Variants in NTNG1 observed in about 807,000 individuals in gnomAD.
The protein encoded by NTNG1 is netrin G1.
A neutral mutation model predicts 54.0 loss-of-function variants in NTNG1; 16 were observed. The ratio of observed to expected loss-of-function variants is 0.30; its 90% CI spans 0.20 to 0.45. The LOEUF (loss-of-function observed/expected upper bound fraction) is 0.45. NTNG1 is among the 20% of genes least tolerant of loss of function. The probability of loss-of-function intolerance (pLI) is 1.00; values close to 1 mark genes in which losing one functional copy is unlikely to be tolerated. For missense variants in NTNG1, 530 were observed against 678.7 expected (o/e 0.78, Z 2.43); for synonymous variants, 255 against 263.1 (o/e 0.97, Z 0.30).
chr1:107,398,461 T>C (rs1202614350), intron 4 of NTNG1, among the ~76,000 whole-genome samples: 3 of 152,116 alleles, frequency 2.0e-5, no homozygotes, highest in African/African-American at 7.2e-5. Flanking sequence ...TTGGAGGTCC[T>C]CTATTCTGGA....
intron 2 of NTNG1, among the ~76,000 whole-genome samples, chr1:107,252,872 G>A (rs75856433): frequency 0.012 from 1,767 of 152,212 alleles, 29 homozygotes; most frequent in African/African-American, 0.04. Context: ...CTCCTATAGC[G>A]GCAGTGGGTG....
intron 4 of NTNG1, 57 bp downstream of exon 4, chr1:107,395,383 CTCAATTTTGCTTACA>C: frequency 6.9e-7 from 1 of 1,445,118 alleles, no homozygotes; most frequent in Non-Finnish European, 9.7e-7. Flanking sequence ...GATAGTTCCT[CTCAATTTTGCTTACA>C]ATTGTGATTT....
chr1:107,250,086 T>G (rs12143353), intron 2 of NTNG1, among the ~76,000 whole-genome samples: 7,874 of 152,302 alleles, frequency 0.052, 297 homozygotes, highest in Non-Finnish European at 0.078. Flanking sequence ...CAGTCTTTGA[T>G]GAAGCCTTCC....
At chr1:107,205,606 G>A (rs1659116938) in intron 2 of NTNG1, among the ~76,000 whole-genome samples, 1 of 151,914 alleles carries the variant, frequency 6.6e-6, no homozygotes, top group South Asian at 2.1e-4. Flanking sequence ...CTTTTTCAGT[G>A]TATAAAGCAG....
chr1:107,394,334 A>G (rs1180942006), intron 3 of NTNG1, among the ~76,000 whole-genome samples: 1 of 152,202 alleles, frequency 6.6e-6, no homozygotes, highest in East Asian at 1.9e-4. Flanking sequence ...TGGAAATTGC[A>G]TATTCCATTG....
intron 7 of NTNG1, among the ~76,000 whole-genome samples, chr1:107,455,109 G>C (rs1172058616): frequency 6.6e-6 from 1 of 151,686 alleles, no homozygotes; most frequent in South Asian, 2.1e-4. Flanking sequence ...TGTCGCCCAG[G>C]CTGGAGTGCA....
intron 2 of NTNG1, among the ~76,000 whole-genome samples, chr1:107,180,065 AT>A (rs1336021005): frequency 9.2e-5 from 14 of 152,168 alleles, no homozygotes; most frequent in African/African-American, 3.4e-4. Flanking sequence ...AGTGTCTTAG[AT>A]TTTTCTGTCT....
At chr1:107,293,790 A>G (rs1483614499) in intron 2 of NTNG1, among the ~76,000 whole-genome samples, 1 of 152,214 alleles carries the variant, frequency 6.6e-6, no homozygotes, top group Non-Finnish European at 1.5e-5. Flanking sequence ...TAATGACCAT[A>G]TAAGAGTCTA....
chr1:107,281,231 T>TGTGTGTGGAA (rs1267868801), intron 2 of NTNG1, among the ~76,000 whole-genome samples: 2 of 152,154 alleles, frequency 1.3e-5, no homozygotes, highest in Non-Finnish European at 2.9e-5. Flanking sequence ...CACACAATTA[T>TGTGTGTGGAA]GTACATATAA....
chr1:107,310,718 GA>G (rs887792847), intron 2 of NTNG1, among the ~76,000 whole-genome samples: 5 of 152,036 alleles, frequency 3.3e-5, no homozygotes, highest in Non-Finnish European at 2.9e-5. Flanking sequence ...TCTTGGGGGG[GA>G]AAGAACAATG....
At chr1:107,383,239 A>G (rs1031446245) in intron 3 of NTNG1, among the ~76,000 whole-genome samples, 2 of 152,236 alleles carry the variant, frequency 1.3e-5, no homozygotes, top group Non-Finnish European at 1.5e-5. Flanking sequence ...GAAGAGGGCT[A>G]TGGAGTCAGA....
chr1:107,430,776 C>T lies in NTNG1; in HGVS notation c.1114C>T (p.Arg372Ter). 2 of 1,613,226 alleles carry T rather than the reference C, an allele frequency of 1.2e-6. No individual in the cohort carries two copies. Among genetic ancestry groups the T allele is most frequent in the East Asian group, 2.2e-5 (1 of 44,766 alleles). The stretch of plus-strand genomic sequence containing the variant: ...TTGTGAATGCTTCGGCCACTCCAAT[C>T]GATGCAGTTATATCGATCTGCTAAA... ...GNCECFGHSN[R>*]CSYIDLLNTV... is the part of the protein sequence containing the mutation. The change falls in exon 6 of 8, where the codon CGA becomes TGA. Residue 372 changes from arginine to a stop codon, truncating the protein, a stop_gained. Transcript: ENST00000370068. LOFTEE classifies it high-confidence loss of function.
intron 2 of NTNG1, among the ~76,000 whole-genome samples, chr1:107,319,521 A>G (rs1334555883): frequency 2.6e-5 from 4 of 152,214 alleles, no homozygotes; most frequent in Admixed American, 2.0e-4. Flanking sequence ...CACAGCAGGA[A>G]CAGGTTGGGA....
At chr1:107,192,478 C>T (rs982140169) in intron 2 of NTNG1, among the ~76,000 whole-genome samples, 5 of 152,020 alleles carry the variant, frequency 3.3e-5, no homozygotes, top group Non-Finnish European at 7.4e-5. Context: ...AACCTCTTGG[C>T]CCCACAATCT....
rs182673922 is a variant in NTNG1 at position 107,417,753 on chromosome 1, A to G, written c.1087+10045A>G. On this transcript the variant is annotated intron_variant, in intron 5 of 7. Coordinates refer to ENST00000370068, the MANE Select transcript of NTNG1 (RefSeq NM_001113226.3). ...TAGATGGTAGGATTTTCATCATAAA[A>G]TAGCTGCTTTAATAGTCATGCCCAT... is the stretch of plus-strand genomic sequence containing the variant. Among the ~76,000 whole-genome samples, 13 of 152,210 alleles carry G rather than the reference A, an allele frequency of 8.5e-5. No homozygotes were observed. In the East Asian group the frequency reaches 2.1e-3, roughly 25 times the overall value.
chr1:107,440,581 C>G (rs910196868), intron 7 of NTNG1, among the ~76,000 whole-genome samples: 1 of 152,148 alleles, frequency 6.6e-6, no homozygotes, highest in African/African-American at 2.4e-5. Context: ...CTTCCAAGCA[C>G]ATGTTGATAT....
At chr1:107,349,902 A>T (rs540252544) in intron 3 of NTNG1, among the ~76,000 whole-genome samples, 40 of 152,162 alleles carry the variant, frequency 2.6e-4, no homozygotes, top group Non-Finnish European at 4.9e-4. Context: ...TTTTTGGTAC[A>T]TGTGTGCAAA....
At chr1:107,472,585 G>T (rs112089349) in intron 7 of NTNG1, among the ~76,000 whole-genome samples, 1,555 of 152,286 alleles carry the variant, frequency 0.01, 10 homozygotes, top group Non-Finnish European at 0.015. Context: ...CCAAGGCCTT[G>T]TCGTAAATGG....
At chr1:107,227,060 G>A (rs768371351) in intron 2 of NTNG1, among the ~76,000 whole-genome samples, 2 of 152,056 alleles carry the variant, frequency 1.3e-5, no homozygotes, top group Non-Finnish European at 1.5e-5. Context: ...ATAGTGGATC[G>A]GAGTAGGGGT....
Sources: gnomAD v4.1 joint callset for allele counts (sites outside exome capture counted in the v4.1 genomes callset) on GRCh38, gnomAD v4.1.1 for gene constraint, MANE v1.5 for transcripts, NCBI Gene and HGNC (gene_info 2026-07-23, HGNC 2026-07-21) for gene names.